RBFOX2: variants seen among roughly 807,000 people sequenced by gnomAD.
RBFOX2 encodes the protein RNA binding protein fox-1 homolog 2.
Under a neutral mutation model 49.1 loss-of-function variants are expected in RBFOX2, and 10 were observed. The ratio of observed to expected loss-of-function variants is 0.20; its 90% CI spans 0.13 to 0.35. The LOEUF is 0.35. Ranked by LOEUF, RBFOX2 falls within the 10% of genes least tolerant of loss-of-function variation. The probability of loss-of-function intolerance (pLI) is 1.00; values close to 1 mark genes in which losing one functional copy is unlikely to be tolerated. For synonymous variants in RBFOX2, 183 were observed against 187.4 expected, an observed-to-expected ratio of 0.98 and a Z score of 0.19; for missense variants, 323 against 486.9, an observed-to-expected ratio of 0.66 and a Z score of 3.17.
chr22:36,000,502 T>C (rs1335387721), intron 1 of RBFOX2: 3 of 152,264 alleles, frequency 2.0e-5, no homozygotes, highest in Non-Finnish European at 2.9e-5. Context: ...CACTTCATGA[T>C]TGGTGCTAAT....
intron 1 of RBFOX2, among the ~76,000 whole-genome samples, chr22:36,006,624 G>A (rs570773879): frequency 3.7e-4 from 57 of 152,284 alleles, no homozygotes; most frequent in Non-Finnish European, 7.1e-4. Context: ...AGCAGTGTGC[G>A]GATGAACTAA....
At chr22:36,014,189 G>C (rs61349468) in intron 1 of RBFOX2, among the ~76,000 whole-genome samples, 5 of 150,790 alleles carry the variant, frequency 3.3e-5, no homozygotes, top group African/African-American at 1.2e-4. Flanking sequence ...TGGCGCAATC[G>C]CGGCTCACTG....
intron 9 of RBFOX2, among the ~76,000 whole-genome samples, chr22:35,750,659 G>C (rs760771689): frequency 4.6e-5 from 7 of 152,148 alleles, no homozygotes; most frequent in Non-Finnish European, 8.8e-5. Flanking sequence ...AATGATACCT[G>C]GTGTCCCCAG....
At chr22:35,986,194 CACACAG>C (rs1351832209) in intron 1 of RBFOX2, among the ~76,000 whole-genome samples, 2 of 152,142 alleles carry the variant, frequency 1.3e-5, no homozygotes, top group African/African-American at 4.8e-5. Context: ...CCCATGTGCA[CACACAG>C]ACACAGACAC....
chr22:35,993,870 C>G (rs950160508), intron 1 of RBFOX2: 6 of 152,014 alleles, frequency 3.9e-5, no homozygotes, highest in African/African-American at 1.5e-4. Context: ...ACCCGTAATC[C>G]CAGTTACTCA....
chr22:35,782,979 C>T (rs767843907), intron 2 of RBFOX2, among the ~76,000 whole-genome samples: 33 of 152,158 alleles, frequency 2.2e-4, no homozygotes, highest in Non-Finnish European at 4.6e-4. Context: ...CAAGACAGGA[C>T]AGCTACTGTA....
At chr22:35,740,467 T>C (rs776839293) in exon 12 of RBFOX2, 3 of 152,634 alleles carry the variant, frequency 2.0e-5, no homozygotes, top group Admixed American at 2.0e-4. Context: ...TATTTTTTTT[T>C]CCTATCTTAA....
At chr22:35,906,067 C>A (rs2049094750) in intron 1 of RBFOX2, among the ~76,000 whole-genome samples, 2 of 152,076 alleles carry the variant, frequency 1.3e-5, no homozygotes, top group African/African-American at 4.8e-5. Flanking sequence ...GATGTTTTCA[C>A]AATGAAGTCA....
intron 1 of RBFOX2, among the ~76,000 whole-genome samples, chr22:35,932,292 T>C (rs781051148): frequency 6.6e-6 from 1 of 152,094 alleles, no homozygotes. Flanking sequence ...TAAAGTTCAT[T>C]TTCTACCCAT....
chr22:36,002,428 C>T (rs1183511234), intron 1 of RBFOX2, among the ~76,000 whole-genome samples: 1 of 152,142 alleles, frequency 6.6e-6, no homozygotes, highest in South Asian at 2.1e-4. Context: ...ACTATGTGGT[C>T]ATTTAAAAGA....
intron 1 of RBFOX2, among the ~76,000 whole-genome samples, chr22:35,833,956 T>C (rs1260275178): frequency 2.0e-5 from 3 of 152,212 alleles, no homozygotes; most frequent in Non-Finnish European, 4.4e-5. Flanking sequence ...TTACATATTA[T>C]AAGAATGAAG....
chr22:35,986,518 G>C (rs1186274784), intron 1 of RBFOX2, among the ~76,000 whole-genome samples: 1 of 152,174 alleles, frequency 6.6e-6, no homozygotes, highest in Non-Finnish European at 1.5e-5. Flanking sequence ...ATTTTTCTGA[G>C]AGCCAGTTCA....
chr22:35,944,443 G>A lies in RBFOX2; in HGVS notation c.43-5546C>T, dbSNP rs767977892. Among the ~76,000 whole-genome samples, 73 of 152,118 alleles carry A rather than the reference G, an allele frequency of 4.8e-4. 1 individual carries two copies. Among genetic ancestry groups the A allele is most frequent in the Non-Finnish European group, 1.2e-4 (8 of 68,010 alleles). On this transcript the variant is annotated intron_variant, in intron 1 of 5. Transcript: ENST00000408983. Reference sequence around the variant, plus strand: ...GGCAAAATTACAAGAAAATACTGGTGAAATTACCCAGAATATAGCACATAG... The same window carrying A: ...GGCAAAATTACAAGAAAATACTGGTAAAATTACCCAGAATATAGCACATAG...
upstream of RBFOX2, among the ~76,000 whole-genome samples, chr22:35,965,003 C>T (rs973767035): frequency 2.0e-5 from 3 of 152,138 alleles, no homozygotes; most frequent in African/African-American, 7.2e-5. Context: ...TGAATACTTA[C>T]CACACACCAG....
chr22:35,895,206 A>C (rs1051580287), intron 1 of RBFOX2, among the ~76,000 whole-genome samples: 1 of 152,122 alleles, frequency 6.6e-6, no homozygotes, highest in Non-Finnish European at 1.5e-5. Context: ...TACTTCTAGA[A>C]ACACAATCAC....
chr22:35,744,123 G>T, exon 12 of RBFOX2: 1 of 1,231,428 alleles, frequency 8.1e-7, no homozygotes. Context: ...TCTTGCTATA[G>T]AGTTCCTCTA....
At chr22:35,744,297 G>C in intron 11 of RBFOX2, 48 bp from the exon 14 acceptor site, 17 of 1,502,502 alleles carry the variant, frequency 1.1e-5, no homozygotes, top group African/African-American at 1.4e-5. Flanking sequence ...GATGAGAGAA[G>C]CATTAACAGT....
chr22:35,863,363 A>G (rs2043311828), intron 1 of RBFOX2, among the ~76,000 whole-genome samples: 1 of 152,164 alleles, frequency 6.6e-6, no homozygotes, highest in African/African-American at 2.4e-5. Flanking sequence ...TGCCAAAGCA[A>G]ATTTCCTTAA....
intron 1 of RBFOX2, among the ~76,000 whole-genome samples, chr22:35,906,728 T>C (rs982767442): frequency 1.3e-5 from 2 of 152,130 alleles, no homozygotes; most frequent in African/African-American, 2.4e-5. Context: ...GTCACAAGAA[T>C]TGCTTGAACC....
Sources: gnomAD v4.1 joint callset for allele counts (sites outside exome capture counted in the v4.1 genomes callset) on GRCh38, gnomAD v4.1.1 for gene constraint, MANE v1.5 for transcripts, NCBI Gene and HGNC (gene_info 2026-07-23, HGNC 2026-07-21) for gene names.